Variants in KHDRBS2 observed in about 807,000 individuals in gnomAD.
The protein encoded by KHDRBS2 is KH domain-containing, RNA-binding, signal transduction-associated protein 2.
Under a neutral mutation model 44.3 loss-of-function variants are expected in KHDRBS2, and 26 were observed. That is an observed-to-expected ratio of 0.59 (90% CI 0.43 to 0.81). The LOEUF (loss-of-function observed/expected upper bound fraction) is 0.81. KHDRBS2 is among the 40% of genes least tolerant of loss of function. The pLI is 0.00. For synonymous variants in KHDRBS2, 194 were observed against 151.1 expected (o/e 1.28, Z -2.08); for missense variants, 476 against 433.1 (o/e 1.10, Z -0.88).
chr6:61,821,923 T>A (rs1454898462), intron 6 of KHDRBS2, among the ~76,000 whole-genome samples: 2 of 152,006 alleles, frequency 1.3e-5, no homozygotes, highest in African/African-American at 4.8e-5. Context: ...TAAAAATGTC[T>A]TCATTTATGT....
At chr6:62,107,173 T>A (rs532009414) in intron 2 of KHDRBS2, among the ~76,000 whole-genome samples, 2,108 of 152,130 alleles carry the variant, frequency 0.014, 23 homozygotes, top group Non-Finnish European at 0.022. Flanking sequence ...GCAGATGACA[T>A]GATTGTATAT....
intron 6 of KHDRBS2, among the ~76,000 whole-genome samples, chr6:61,760,077 C>G (rs77722714): frequency 6.6e-6 from 1 of 151,908 alleles, no homozygotes; most frequent in African/African-American, 2.4e-5. Context: ...TAATGTTGAA[C>G]CTCATCTAAA....
At chr6:61,832,435 C>T (rs1791975203) in intron 6 of KHDRBS2, among the ~76,000 whole-genome samples, 1 of 151,992 alleles carries the variant, frequency 6.6e-6, no homozygotes, top group Non-Finnish European at 1.5e-5. Flanking sequence ...TTCAAAAGTG[C>T]AAATAATTTG....
chr6:62,055,000 C>T, intron 2 of KHDRBS2, among the ~76,000 whole-genome samples: 1 of 151,894 alleles, frequency 6.6e-6, no homozygotes, highest in Admixed American at 6.6e-5. Context: ...AAACTAAATT[C>T]TAGATGGTTT....
At position 62,227,757 on chromosome 6, in the gene KHDRBS2, C is replaced by A. The variant is rs1229247801; in HGVS notation, c.92-50445G>T. On this transcript the variant is annotated intron_variant, in intron 1 of 8. Transcript: ENST00000281156. ...AAGCGATGTTGAATTGTATCGAAGG[C>A]CTTTTCTGCATCTGTTGAGATGATC... Among the ~76,000 whole-genome samples, 4 of 152,070 alleles carry A rather than the reference C, an allele frequency of 2.6e-5. No individual in the cohort carries two copies. The South Asian group carries it at 6.2e-4, about 24-fold the overall frequency.
At chr6:62,103,051 G>T (rs1264355892) in intron 2 of KHDRBS2, among the ~76,000 whole-genome samples, 1 of 152,088 alleles carries the variant, frequency 6.6e-6, no homozygotes, top group Non-Finnish European at 1.5e-5. Flanking sequence ...TCAAAATGGA[G>T]AAAATGCATG....
At chr6:62,285,755 G>T in intron 1 of KHDRBS2, 103 bp downstream of exon 1, 1 of 728,536 alleles carries the variant, frequency 1.4e-6, no homozygotes, top group Non-Finnish European at 2.3e-6. Flanking sequence ...CAGTTTCTGC[G>T]AAGGCGGGGA....
chr6:61,852,778 T>A (rs1282022606), intron 6 of KHDRBS2, among the ~76,000 whole-genome samples: 2 of 152,176 alleles, frequency 1.3e-5, no homozygotes, highest in East Asian at 1.9e-4. Flanking sequence ...TTTTCTTAAA[T>A]AATTTATTAA....
At chr6:61,988,477 C>T (rs1339913404) in intron 3 of KHDRBS2, among the ~76,000 whole-genome samples, 1 of 152,096 alleles carries the variant, frequency 6.6e-6, no homozygotes, top group Non-Finnish European at 1.5e-5. Flanking sequence ...AATGGGCTTT[C>T]TTAGGGTTCA....
chr6:61,699,265 C>T (rs1325125670), intron 7 of KHDRBS2, among the ~76,000 whole-genome samples: 1 of 151,914 alleles, frequency 6.6e-6, no homozygotes, highest in African/African-American at 2.4e-5. Flanking sequence ...AAAAAAATAA[C>T]ATGCAAAAGA....
rs2150087922 is a variant in KHDRBS2, at chr6:62,128,529, AAATT to A, written c.219+48652_219+48655del. ...TTAAGTCAAAAATTTAATGATCTCT[AAATT>A]TCTTTTAATGATCTCTCTCTCTCTC... On this transcript the variant is annotated intron_variant, in intron 2 of 8. Coordinates refer to ENST00000281156, the MANE Select transcript of KHDRBS2 (RefSeq NM_152688.4). Among the ~76,000 whole-genome samples the A allele has an allele frequency of 2.1e-5, 3 of 145,284 alleles. No individual in the cohort carries two copies. The East Asian group carries it at 6.1e-4, about 29-fold the overall frequency.
intron 2 of KHDRBS2, among the ~76,000 whole-genome samples, chr6:62,051,428 AGT>A (rs1789021313): frequency 6.6e-6 from 1 of 152,030 alleles, no homozygotes; most frequent in South Asian, 2.1e-4. Flanking sequence ...ATAGAAATCC[AGT>A]GTTTTTTTAG....
At chr6:61,956,984 A>C (rs1767510279) in intron 4 of KHDRBS2, among the ~76,000 whole-genome samples, 1 of 152,016 alleles carries the variant, frequency 6.6e-6, no homozygotes, top group Non-Finnish European at 1.5e-5. Context: ...GAACCAGCTG[A>C]AGCCGTGGCA....
chr6:62,164,440 C>A (rs1233796283), intron 2 of KHDRBS2, among the ~76,000 whole-genome samples: 2 of 151,574 alleles, frequency 1.3e-5, no homozygotes, highest in Non-Finnish European at 3.0e-5. Flanking sequence ...TTACATTAGC[C>A]CAAACTATTT....
chr6:61,988,865 G>A (rs1456666368), intron 3 of KHDRBS2, among the ~76,000 whole-genome samples: 1 of 152,142 alleles, frequency 6.6e-6, no homozygotes, highest in Non-Finnish European at 1.5e-5. Context: ...AATACTAGCA[G>A]TCATAAAGAG....
chr6:61,797,595 T>C (rs1785550155), intron 6 of KHDRBS2, among the ~76,000 whole-genome samples: 1 of 151,994 alleles, frequency 6.6e-6, no homozygotes, highest in South Asian at 2.1e-4. Flanking sequence ...CCCTGGGAAA[T>C]GTCAAATGCC....
the KHDRBS2 span, among the ~76,000 whole-genome samples, chr6:61,628,286 G>A: frequency 1.9e-4 from 22 of 118,322 alleles, no homozygotes; most frequent in Admixed American, 4.6e-4. Flanking sequence ...TTATCTTCAC[G>A]GTAATCTATT....
intron 2 of KHDRBS2, among the ~76,000 whole-genome samples, chr6:62,115,937 T>C (rs1249833370): frequency 1.3e-5 from 2 of 151,950 alleles, no homozygotes; most frequent in Admixed American, 1.3e-4. Context: ...AGAAAATAAA[T>C]ACAAAATACA....
At chr6:61,578,782 C>T in the KHDRBS2 span, among the ~76,000 whole-genome samples, 1 of 152,080 alleles carries the variant, frequency 6.6e-6, no homozygotes, top group Non-Finnish European at 1.5e-5. Context: ...AAGCAGATTC[C>T]AATTTACTGA....
Sources: allele counts gnomAD v4.1 joint callset (sites outside exome capture counted in the v4.1 genomes callset), GRCh38; gene constraint gnomAD v4.1.1; transcripts MANE v1.5; gene names NCBI Gene and HGNC (gene_info 2026-07-23, HGNC 2026-07-21).